The following TENM3 variants were observed in gnomAD, a reference collection of about 807,000 sequenced individuals.
TENM3 encodes teneurin-3.
In TENM3, 63 loss-of-function variants were observed where a neutral mutation model predicts 255.1. That is an observed-to-expected ratio of 0.25 (90% CI 0.20 to 0.30). TENM3 has a LOEUF of 0.30. Ranked by LOEUF, TENM3 falls within the 10% of genes least tolerant of loss-of-function variation. The probability of loss-of-function intolerance (pLI) is 1.00; values close to 1 mark genes in which losing one functional copy is unlikely to be tolerated. For synonymous variants in TENM3, 1,306 were observed against 1,322.3 expected, an observed-to-expected ratio of 0.99 and a Z score of 0.27; for missense variants, 2,929 against 3,461.1, an observed-to-expected ratio of 0.85 and a Z score of 3.86.
chr4:182,390,755 G>A (rs914712332), intron 3 of TENM3, among the ~76,000 whole-genome samples: 2 of 152,158 alleles, frequency 1.3e-5, no homozygotes, highest in African/African-American at 4.8e-5. Flanking sequence ...TCTCAAAAGT[G>A]ACTTTTTTTC....
At chr4:182,694,900 A>C (rs1311368920) in intron 12 of TENM3, among the ~76,000 whole-genome samples, 1 of 152,242 alleles carries the variant, frequency 6.6e-6, no homozygotes, top group African/African-American at 2.4e-5. Flanking sequence ...ATGGTGAAAG[A>C]ATAGTACTTT....
At chr4:181,664,820 C>T in the TENM3 span, among the ~76,000 whole-genome samples, 1 of 152,176 alleles carries the variant, frequency 6.6e-6, no homozygotes, top group Non-Finnish European at 1.5e-5. Context: ...TGCTCTCTGC[C>T]CTCATGCTCT....
chr4:181,470,156 G>A, the TENM3 span, among the ~76,000 whole-genome samples: 3,172 of 146,024 alleles, frequency 0.022, 110 homozygotes, highest in African/African-American at 0.076. Flanking sequence ...TCTATTTACT[G>A]ATGTTTTAAA....
rs78532078 is a variant in TENM3 at position 182,679,981 on chromosome 4, A to C, written c.1537+105A>C. ...AATTTGGGGTAATTCCTAGGGTGTT[A>C]AAGCCCAGGTAAAATGTGAGAATTA... On this transcript the variant is annotated intron_variant, in intron 8 of 27. Coordinates refer to ENST00000511685, the MANE Select transcript of TENM3 (RefSeq NM_001080477.4). The C allele has an allele frequency of 5.0e-3, 4,971 of 986,626 alleles. 159 individuals carry two copies. The African/African-American group carries it at 0.072, about 14-fold the overall frequency. 61.1% of individuals were successfully genotyped at this position (986,626 alleles called of 1,614,324 possible).
chr4:181,469,570 T>C, the TENM3 span, among the ~76,000 whole-genome samples: 1 of 152,170 alleles, frequency 6.6e-6, no homozygotes, highest in Admixed American at 6.5e-5. Context: ...TAGTTAAGGG[T>C]AGTAAGCCAT....
the TENM3 span, among the ~76,000 whole-genome samples, chr4:181,816,820 G>A: frequency 6.6e-6 from 1 of 152,186 alleles, no homozygotes. Flanking sequence ...CATTGCTTAA[G>A]TTATAGTCTT....
chr4:181,657,137 G>A, the TENM3 span, among the ~76,000 whole-genome samples: 3 of 152,188 alleles, frequency 2.0e-5, no homozygotes, highest in Non-Finnish European at 4.4e-5. Flanking sequence ...CAGAATGAGA[G>A]CAGCTTAGAG....
chr4:182,328,242 G>T (rs1486646077), intron 2 of TENM3, among the ~76,000 whole-genome samples: 1 of 152,094 alleles, frequency 6.6e-6, no homozygotes, highest in Non-Finnish European at 1.5e-5. Context: ...TTGAGATGGA[G>T]TCTCACTCTG....
At chr4:182,586,385 C>T (rs1283734352) in intron 3 of TENM3, among the ~76,000 whole-genome samples, 3 of 152,158 alleles carry the variant, frequency 2.0e-5, no homozygotes, top group Admixed American at 1.3e-4. Context: ...GATGTTGGCC[C>T]TCATGTCTCC....
intron 1 of TENM3, among the ~76,000 whole-genome samples, chr4:182,306,580 A>G (rs1191469102): frequency 6.6e-6 from 1 of 152,112 alleles, no homozygotes; most frequent in Non-Finnish European, 1.5e-5. Context: ...TTTCCCATTT[A>G]TTGCTTTTTA....
chr4:182,171,849 AT>A (rs1391779170), intron 1 of TENM3, among the ~76,000 whole-genome samples: 1 of 152,142 alleles, frequency 6.6e-6, no homozygotes, highest in Non-Finnish European at 1.5e-5. Flanking sequence ...TTAATAACTG[AT>A]TTTTATAAAC....
At chr4:182,632,407 T>A (rs1751455308) in intron 5 of TENM3, among the ~76,000 whole-genome samples, 1 of 152,234 alleles carries the variant, frequency 6.6e-6, no homozygotes, top group South Asian at 2.1e-4. Flanking sequence ...CCACCAACGC[T>A]AGTCATTACA....
chr4:181,683,388 T>A, the TENM3 span, among the ~76,000 whole-genome samples: 1 of 152,146 alleles, frequency 6.6e-6, no homozygotes, highest in Non-Finnish European at 1.5e-5. Context: ...ACTCCTAGAT[T>A]ATGATGGGCC....
intron 3 of TENM3, among the ~76,000 whole-genome samples, chr4:182,349,281 GAAAC>G (rs1765024817): frequency 6.6e-6 from 1 of 152,096 alleles, no homozygotes; most frequent in Admixed American, 6.5e-5. Flanking sequence ...TTTAAAGAAA[GAAAC>G]AAAAGAGGAA....
the TENM3 span, among the ~76,000 whole-genome samples, chr4:181,573,135 T>G: frequency 8.5e-5 from 13 of 152,220 alleles, no homozygotes; most frequent in African/African-American, 3.1e-4. Context: ...TTTTATCCAT[T>G]CATCTGTTGA....
chr4:182,584,373 A>G (rs191018900), intron 3 of TENM3, among the ~76,000 whole-genome samples: 10 of 152,266 alleles, frequency 6.6e-5, no homozygotes, highest in Admixed American at 2.6e-4. Context: ...TGTTTTCTTC[A>G]TCTTTACATT....
At chr4:182,174,527 C>CACACACACACAA (rs146198406) in intron 1 of TENM3, among the ~76,000 whole-genome samples, 91 of 149,968 alleles carry the variant, frequency 6.1e-4, no homozygotes, top group African/African-American at 2.2e-3. Flanking sequence ...CACACACACA[C>CACACACACACAA]ACACAAACAC....
chr4:182,785,646 T>C (rs1765583970), intron 24 of TENM3, among the ~76,000 whole-genome samples: 1 of 142,676 alleles, frequency 7.0e-6, no homozygotes, highest in African/African-American at 2.7e-5. Context: ...CAGTCGAGGC[T>C]GCAGTGAGCC....
chr4:181,490,984 C>T, the TENM3 span, among the ~76,000 whole-genome samples: 6 of 152,204 alleles, frequency 3.9e-5, no homozygotes, highest in Non-Finnish European at 7.4e-5. Context: ...AAAAATGTGT[C>T]ATGCAATGTA....
Sources: gnomAD v4.1 joint callset for allele counts (sites outside exome capture counted in the v4.1 genomes callset) on GRCh38, gnomAD v4.1.1 for gene constraint, MANE v1.5 for transcripts, NCBI Gene and HGNC (gene_info 2026-07-23, HGNC 2026-07-21) for gene names.